CCSER1: variants seen among roughly 807,000 people sequenced by gnomAD.
The protein encoded by CCSER1 is serine-rich coiled-coil domain-containing protein 1.
CCSER1 carries 41 observed loss-of-function variants against 82.0 expected under a neutral mutation model. The ratio of observed to expected loss-of-function variants is 0.50; its 90% CI spans 0.39 to 0.65. CCSER1 has a LOEUF of 0.65. Among genes scored for constraint, CCSER1 ranks in the 30% least tolerant of loss-of-function variants. The probability of loss-of-function intolerance (pLI) is 0.00; values close to 1 mark genes in which losing one functional copy is unlikely to be tolerated. For synonymous variants in CCSER1, 414 were observed against 383.9 expected (o/e 1.08, Z -0.92); for missense variants, 1,119 against 1,064.2 (o/e 1.05, Z -0.72).
intron 3 of CCSER1, among the ~76,000 whole-genome samples, chr4:90,398,138 A>G (rs1445996144): frequency 2.0e-5 from 3 of 152,132 alleles, no homozygotes; most frequent in Non-Finnish European, 2.9e-5. Flanking sequence ...CACATGGTTC[A>G]TCACATCTCT....
intron 5 of CCSER1, among the ~76,000 whole-genome samples, chr4:90,618,421 A>G (rs750584828): frequency 6.6e-6 from 1 of 151,986 alleles, no homozygotes; most frequent in Non-Finnish European, 1.5e-5. Context: ...ATATACATAC[A>G]GTAATATTTT....
Position 91,198,307 on chromosome 4 carries a change from C to T in CCSER1, c.2217+112313C>T, listed in dbSNP as rs115743312. 5.8e-3 allele frequency among the ~76,000 whole-genome samples: 884 copies of T among 152,118 alleles called. 3 individuals are homozygous for T. Among genetic ancestry groups the T allele is most frequent in the African/African-American group, 0.021 (860 of 41,498 alleles). ...ATAGGTGCAACAATGTGACATAACT[C>T]ACTGCCACACACTGTGTCTCAGTGA... On this transcript the variant is annotated intron_variant, in intron 10 of 10. Coordinates refer to ENST00000509176, the MANE Select transcript of CCSER1 (RefSeq NM_001145065.2).
intron 10 of CCSER1, among the ~76,000 whole-genome samples, chr4:91,477,336 T>TTA (rs1757650930): frequency 2.0e-5 from 3 of 151,802 alleles, no homozygotes; most frequent in Admixed American, 2.0e-4. Context: ...CTTCTGAAGA[T>TTA]ACTAAAGTTT....
At chr4:91,495,101 G>A (rs193119287) in intron 10 of CCSER1, among the ~76,000 whole-genome samples, 138 of 151,482 alleles carry the variant, frequency 9.1e-4, no homozygotes, top group Middle Eastern at 3.4e-3. Flanking sequence ...AATAATTTTC[G>A]AAGAAAAAAT....
At chr4:91,246,047 T>C (rs1739749448) in intron 10 of CCSER1, among the ~76,000 whole-genome samples, 1 of 152,184 alleles carries the variant, frequency 6.6e-6, no homozygotes. Flanking sequence ...ACAAAACTAA[T>C]TGGTAGTAGT....
intron 10 of CCSER1, among the ~76,000 whole-genome samples, chr4:91,114,322 G>A (rs891624160): frequency 1.3e-5 from 2 of 152,058 alleles, no homozygotes; most frequent in Admixed American, 1.3e-4. Context: ...GGAATCCAAA[G>A]AGCATCTATA....
chr4:90,867,008 A>G (rs1765818173), intron 8 of CCSER1, among the ~76,000 whole-genome samples: 1 of 152,048 alleles, frequency 6.6e-6, no homozygotes, highest in African/African-American at 2.4e-5. Context: ...CTTATAGGCC[A>G]CGGACTGGTA....
intron 10 of CCSER1, among the ~76,000 whole-genome samples, chr4:91,202,129 T>G (rs2149068408): frequency 6.6e-6 from 1 of 151,252 alleles, no homozygotes; most frequent in South Asian, 2.1e-4. Flanking sequence ...CTACTTACAT[T>G]AATTAGGTTA....
chr4:90,761,509 C>T (rs146950839), intron 7 of CCSER1, among the ~76,000 whole-genome samples: 35 of 152,060 alleles, frequency 2.3e-4, no homozygotes, highest in Non-Finnish European at 4.4e-4. Flanking sequence ...GTCATTTGGC[C>T]TCCGAGTTAT....
intron 9 of CCSER1, among the ~76,000 whole-genome samples, chr4:91,069,811 G>A (rs1721236482): frequency 6.6e-6 from 1 of 152,084 alleles, no homozygotes; most frequent in Non-Finnish European, 1.5e-5. Flanking sequence ...TGTGGGGAGA[G>A]ATCATTAAAA....
chr4:90,830,599 T>C (rs1761001961), intron 8 of CCSER1, among the ~76,000 whole-genome samples: 1 of 152,146 alleles, frequency 6.6e-6, no homozygotes, highest in African/African-American at 2.4e-5. Context: ...CTTAAAATTC[T>C]TCTAATTGCC....
At chr4:90,140,451 A>T (rs561880528) in intron 1 of CCSER1, among the ~76,000 whole-genome samples, 103 of 152,310 alleles carry the variant, frequency 6.8e-4, no homozygotes, top group Non-Finnish European at 1.3e-3. Flanking sequence ...TCTTTGACAA[A>T]GGAAAGTAGT....
intron 6 of CCSER1, among the ~76,000 whole-genome samples, chr4:90,683,579 G>C (rs950483439): frequency 6.6e-6 from 1 of 151,952 alleles, no homozygotes; most frequent in Non-Finnish European, 1.5e-5. Flanking sequence ...TTTGTAAAAC[G>C]AAAATGGCTT....
rs536402295 is a variant in CCSER1 at position 90,933,132 on chromosome 4, A to AGTGTGTGTGTGTGT, written c.2172+9723_2172+9736dup. On this transcript the variant is annotated intron_variant, in intron 9 of 10. Transcript: ENST00000509176. ...TGTTGTTCCAAAAATGTTACCTAGA[A>AGTGTGTGTGTGTGT]GTGTGTGTGTGTGTGTGTGTGTGTG... Among the ~76,000 whole-genome samples, 127 of 70,176 alleles carry AGTGTGTGTGTGTGT rather than the reference A, an allele frequency of 1.8e-3. 4 individuals are homozygous for AGTGTGTGTGTGTGT. Among genetic ancestry groups the AGTGTGTGTGTGTGT allele is most frequent in the African/African-American group, 6.3e-3 (87 of 13,814 alleles). The allele number at this position is 70,176 out of a possible 152,430, so 46.0% of individuals were successfully genotyped here.
chr4:90,634,155 A>G (rs1725004675), intron 6 of CCSER1, among the ~76,000 whole-genome samples: 1 of 151,716 alleles, frequency 6.6e-6, no homozygotes, highest in African/African-American at 2.4e-5. Context: ...TCTTTATCAA[A>G]CAAATATATT....
At chr4:91,080,336 GA>G (rs1722566537) in intron 9 of CCSER1, among the ~76,000 whole-genome samples, 1 of 152,212 alleles carries the variant, frequency 6.6e-6, no homozygotes, top group Admixed American at 6.5e-5. Context: ...ATAAAGAAAT[GA>G]AGGTAGAAAT....
chr4:91,380,161 T>C (rs1002433453), intron 10 of CCSER1, among the ~76,000 whole-genome samples: 2 of 152,178 alleles, frequency 1.3e-5, no homozygotes, highest in African/African-American at 4.8e-5. Context: ...AGTGCTTTAC[T>C]TCCAACTATG....
intron 10 of CCSER1, among the ~76,000 whole-genome samples, chr4:91,431,098 T>G (rs996485611): frequency 3.3e-5 from 5 of 151,908 alleles, no homozygotes. Flanking sequence ...TAGCTGGGCG[T>G]GGTGGCGGGC....
At chr4:91,469,138 A>G (rs115308249) in intron 10 of CCSER1, among the ~76,000 whole-genome samples, 4 of 152,288 alleles carry the variant, frequency 2.6e-5, no homozygotes, top group East Asian at 3.9e-4. Context: ...CATTTTATCA[A>G]TTAATTTTCT....
Sources: gnomAD v4.1 joint callset for allele counts (sites outside exome capture counted in the v4.1 genomes callset) on GRCh38, gnomAD v4.1.1 for gene constraint, MANE v1.5 for transcripts, NCBI Gene and HGNC (gene_info 2026-07-23, HGNC 2026-07-21) for gene names.